The following CACNA1E variants were observed in gnomAD, a reference collection of about 807,000 sequenced individuals.
CACNA1E encodes the protein calcium voltage-gated channel subunit alpha1 E, also known as voltage-dependent R-type calcium channel subunit alpha-1E.
A neutral mutation model predicts 259.2 loss-of-function variants in CACNA1E; 40 were observed. The ratio of observed to expected loss-of-function variants is 0.15; its 90% confidence interval spans 0.12 to 0.20. CACNA1E has a LOEUF of 0.20. CACNA1E is among the 10% of genes least tolerant of loss of function. CACNA1E has a pLI of 1.00. For synonymous variants in CACNA1E, 1,104 were observed against 1,138.5 expected (o/e 0.97, Z 0.61); for missense variants, 1,874 against 3,040.1 (o/e 0.62, Z 9.02).
At chr1:181,771,598 T>C in intron 36 of CACNA1E, 1 of 543,592 alleles carries the variant, frequency 1.8e-6, no homozygotes, top group South Asian at 2.8e-5. Context: ...ATGTGCCTGA[T>C]CTTGTCTGAT....
At chr1:181,386,889 G>A (rs552492599) in intron 1 of CACNA1E, among the ~76,000 whole-genome samples, 46 of 152,294 alleles carry the variant, frequency 3.0e-4, no homozygotes, top group African/African-American at 1.1e-3. Context: ...TCCTCAATGA[G>A]TCTGCACACG....
At chr1:181,426,100 C>T (rs1241180547) in intron 2 of CACNA1E, among the ~76,000 whole-genome samples, 1 of 152,048 alleles carries the variant, frequency 6.6e-6, no homozygotes, top group Non-Finnish European at 1.5e-5. Context: ...GACAGTGCTC[C>T]TGGTGTGGAG....
intron 3 of CACNA1E, among the ~76,000 whole-genome samples, chr1:181,574,237 C>G (rs956708414): frequency 3.3e-5 from 5 of 152,272 alleles, no homozygotes; most frequent in African/African-American, 1.2e-4. Flanking sequence ...CCATGGCACA[C>G]ATTTACCTAT....
intron 7 of CACNA1E, among the ~76,000 whole-genome samples, chr1:181,659,507 C>T (rs991684114): frequency 7.2e-5 from 11 of 152,172 alleles, no homozygotes; most frequent in Admixed American, 3.3e-4. Flanking sequence ...TACAGGGCAG[C>T]GGCTAACACA....
chr1:181,408,542 T>G (rs1013509081), intron 1 of CACNA1E, among the ~76,000 whole-genome samples: 7 of 152,120 alleles, frequency 4.6e-5, no homozygotes, highest in African/African-American at 1.7e-4. Flanking sequence ...GGCTATGAGC[T>G]CGAGTGTTTT....
At chr1:181,432,217 C>T (rs1222238486) in intron 2 of CACNA1E, among the ~76,000 whole-genome samples, 1 of 152,096 alleles carries the variant, frequency 6.6e-6, no homozygotes, top group Non-Finnish European at 1.5e-5. Flanking sequence ...ATGGTGGGAT[C>T]TAGTTTAATT....
At chr1:181,667,196 G>A (rs1184814701) in intron 7 of CACNA1E, among the ~76,000 whole-genome samples, 2 of 152,134 alleles carry the variant, frequency 1.3e-5, no homozygotes, top group Middle Eastern at 3.2e-3. Context: ...TAATAAGATT[G>A]TAATAAAGCT....
chr1:181,658,226 A>G (rs1484107789), intron 7 of CACNA1E, among the ~76,000 whole-genome samples: 1 of 152,196 alleles, frequency 6.6e-6, no homozygotes, highest in Non-Finnish European at 1.5e-5. Context: ...ACAGAACACT[A>G]CCATACTGGA....
chr1:181,628,585 C>CA (rs1656414573), intron 6 of CACNA1E, among the ~76,000 whole-genome samples: 1 of 152,172 alleles, frequency 6.6e-6, no homozygotes, highest in Non-Finnish European at 1.5e-5. Context: ...TGATAGTGAT[C>CA]ATTCCAAAAC....
At position 181,515,500 on chromosome 1, in the gene CACNA1E, G is replaced by A. The variant is rs150910709; in HGVS notation, c.512+3990G>A. ...AATGCTGGGACCGAGAAATGTGGACGTTATTATATTTTCCCACCTGCTAAA... is the reference window on the plus strand; with the variant it reads ...AATGCTGGGACCGAGAAATGTGGACATTATTATATTTTCCCACCTGCTAAA... On this transcript the variant is annotated intron_variant, in intron 3 of 47. Coordinates refer to ENST00000367573, the MANE Select transcript of CACNA1E (RefSeq NM_001205293.3). Among the ~76,000 whole-genome samples, 31 of 152,278 alleles carry A rather than the reference G, an allele frequency of 2.0e-4. No individual in the cohort carries two copies. The East Asian group carries it at 5.6e-3, about 27-fold the overall frequency.
chr1:181,403,101 G>C (rs1657219723), intron 1 of CACNA1E, among the ~76,000 whole-genome samples: 1 of 152,148 alleles, frequency 6.6e-6, no homozygotes, highest in African/African-American at 2.4e-5. Context: ...ATCTGGATAA[G>C]AGGCTCTTCC....
intron 2 of CACNA1E, among the ~76,000 whole-genome samples, chr1:181,440,541 C>A (rs912926278): frequency 6.6e-6 from 1 of 152,088 alleles, no homozygotes; most frequent in African/African-American, 2.4e-5. Context: ...TGTGTTTGAA[C>A]CTGCAGGGTA....
chr1:181,341,431 C>A (rs1652142672), intron 1 of CACNA1E, among the ~76,000 whole-genome samples: 1 of 152,146 alleles, frequency 6.6e-6, no homozygotes, highest in East Asian at 1.9e-4. Context: ...AATGAAACAC[C>A]CCCACCTTCC....
chr1:181,549,731 G>A (rs1317925961), intron 3 of CACNA1E, among the ~76,000 whole-genome samples: 1 of 152,168 alleles, frequency 6.6e-6, no homozygotes, highest in Non-Finnish European at 1.5e-5. Context: ...GTGGGGCTGG[G>A]AAGAAAGCCA....
intron 1 of CACNA1E, among the ~76,000 whole-genome samples, chr1:181,349,713 C>A (rs1026008258): frequency 6.6e-5 from 10 of 151,814 alleles, no homozygotes; most frequent in Non-Finnish European, 1.2e-4. Flanking sequence ...GGACTCCAGG[C>A]TGCATAGGGA....
At chr1:181,338,188 C>A (rs758929372) in intron 1 of CACNA1E, among the ~76,000 whole-genome samples, 1 of 152,088 alleles carries the variant, frequency 6.6e-6, no homozygotes, top group African/African-American at 2.4e-5. Flanking sequence ...CAGGTTCAAG[C>A]GATTCTCCTG....
intron 2 of CACNA1E, among the ~76,000 whole-genome samples, chr1:181,466,641 G>T (rs561229058): frequency 1.3e-5 from 2 of 152,276 alleles, no homozygotes; most frequent in Non-Finnish European, 2.9e-5. Flanking sequence ...ACCAGGACTA[G>T]TTACTGCCTA....
Position 181,726,067 on chromosome 1 carries a change from T to C in CACNA1E, c.2145T>C (p.Asp715=). 1 of 1,610,424 alleles carries C rather than the reference T, an allele frequency of 6.2e-7. No individual in the cohort carries two copies. Among genetic ancestry groups the C allele is most frequent in the South Asian group, 1.1e-5 (1 of 90,270 alleles). ...AGCCATCTCTGCTTTGTGTCTAGGA[T>C]GAACAGGAGGAAGAAGAGGCCTTCA... The part of the protein sequence containing the change: ...NLANAQELTK[D]EQEEEEAFNQ... Residue 715 remains aspartate, a splice_region_variant and synonymous_variant, in exon 18 of 48, where the codon GAT becomes GAC. Coordinates refer to ENST00000367573, the MANE Select transcript of CACNA1E (RefSeq NM_001205293.3).
chr1:181,389,612 G>A, intron 1 of CACNA1E, among the ~76,000 whole-genome samples: 1 of 152,238 alleles, frequency 6.6e-6, no homozygotes. Context: ...TTTCTTGCAT[G>A]CGTGTGTCGC....
Sources: allele counts gnomAD v4.1 joint callset (sites outside exome capture counted in the v4.1 genomes callset), GRCh38; gene constraint gnomAD v4.1.1; transcripts MANE v1.5; gene names NCBI Gene and HGNC (gene_info 2026-07-23, HGNC 2026-07-21).